Variants in SCFD1 observed in about 807,000 individuals in gnomAD.
SCFD1 encodes sec1 family domain-containing protein 1.
A neutral mutation model predicts 103.2 loss-of-function variants in SCFD1; 37 were observed. The observed-to-expected ratio is 0.36, with a 90% CI of 0.28 to 0.47. The LOEUF is 0.47. Among genes scored for constraint, SCFD1 ranks in the 20% least tolerant of loss-of-function variants. The pLI is 1.00. For missense variants in SCFD1, 639 were observed against 761.2 expected, an observed-to-expected ratio of 0.84 and a Z score of 1.89; for synonymous variants, 264 against 245.0, an observed-to-expected ratio of 1.08 and a Z score of -0.73.
At chr14:30,711,736 A>G (rs1387617071) in intron 19 of SCFD1, among the ~76,000 whole-genome samples, 2 of 151,300 alleles carry the variant, frequency 1.3e-5, no homozygotes, top group Non-Finnish European at 3.0e-5. Flanking sequence ...TTATTAAATT[A>G]TTATTTTAGG....
intron 7 of SCFD1, among the ~76,000 whole-genome samples, chr14:30,643,626 G>A (rs926688577): frequency 6.6e-6 from 1 of 152,070 alleles, no homozygotes; most frequent in Non-Finnish European, 1.5e-5. Flanking sequence ...CATTTTAGAT[G>A]TCTTTGGTAG....
chr14:30,651,364 C>T (rs541154803), intron 9 of SCFD1, among the ~76,000 whole-genome samples: 1 of 152,248 alleles, frequency 6.6e-6, no homozygotes, highest in East Asian at 1.9e-4. Flanking sequence ...TAGACTTCAT[C>T]TCAAGTCAAT....
chr14:30,645,542 C>G (rs1885731971), intron 7 of SCFD1, among the ~76,000 whole-genome samples: 1 of 152,152 alleles, frequency 6.6e-6, no homozygotes, highest in South Asian at 2.1e-4. Context: ...GCTCTCTCAC[C>G]TCCCTAATTA....
At chr14:30,691,590 T>C (rs897921056) in intron 14 of SCFD1, among the ~76,000 whole-genome samples, 1 of 152,234 alleles carries the variant, frequency 6.6e-6, no homozygotes, top group Non-Finnish European at 1.5e-5. Flanking sequence ...CTGTTACTTT[T>C]AACAGCTTTG....
In SCFD1 at chr14:30,730,792, C is replaced by T. The variant is rs538306431; in HGVS notation, c.1837-3998C>T. 1.4e-4 allele frequency among the ~76,000 whole-genome samples: 22 copies of T among 152,272 alleles called. No homozygotes were observed. The South Asian group carries it at 3.3e-3, about 23-fold the overall frequency. ...TAGATTGCAAAAATTTTCTCCCATTCTTTAGGTTGCCTGTTCACTCTGATG... is the reference window on the plus strand; with the variant it reads ...TAGATTGCAAAAATTTTCTCCCATTTTTTAGGTTGCCTGTTCACTCTGATG... On this transcript the variant is annotated intron_variant, in intron 23 of 24. Coordinates refer to ENST00000458591, the MANE Select transcript of SCFD1 (RefSeq NM_016106.4).
In SCFD1 at chr14:30,692,684, T is replaced by A. The variant is rs943033999; in HGVS notation, c.1243-2089T>A. ...ACTAGCGGAAACTGAATTTAGTGAATAGTGATAAAACAGAAAAGGTTAGCT... is the reference window on the plus strand; with the variant it reads ...ACTAGCGGAAACTGAATTTAGTGAAAAGTGATAAAACAGAAAAGGTTAGCT... On this transcript the variant is annotated intron_variant, in intron 14 of 24. Coordinates refer to ENST00000458591, the MANE Select transcript of SCFD1 (RefSeq NM_016106.4). Among the ~76,000 whole-genome samples, 6 of 152,348 alleles carry A rather than the reference T, an allele frequency of 3.9e-5. No individual in the cohort carries two copies. The East Asian group carries it at 1.2e-3, about 29-fold the overall frequency.
intron 8 of SCFD1, among the ~76,000 whole-genome samples, chr14:30,650,278 G>A (rs1041498282): frequency 8.0e-5 from 12 of 150,820 alleles, no homozygotes; most frequent in South Asian, 2.1e-4. Flanking sequence ...AAGAGTGTGC[G>A]TCATTACTGC....
chr14:30,707,792 A>G (rs1891575973), intron 18 of SCFD1, 198 bp from the exon 19 acceptor site: 1 of 641,548 alleles, frequency 1.6e-6, no homozygotes, highest in Non-Finnish European at 2.9e-6. Context: ...TTTAATTACT[A>G]TTTTATTGTT....
rs148353533 is a variant in SCFD1, at chr14:30,728,678, C to A, written c.1837-6112C>A. Reference sequence around the variant, plus strand: ...CAAAGCAGCTGCACCATTTTACATTCCCCCCAGCAGTGCATGAGGGTTCTC... The same window carrying A: ...CAAAGCAGCTGCACCATTTTACATTACCCCCAGCAGTGCATGAGGGTTCTC... On this transcript the variant is annotated intron_variant, in intron 23 of 24. Coordinates refer to ENST00000458591, the MANE Select transcript of SCFD1 (RefSeq NM_016106.4). Among the ~76,000 whole-genome samples, 547 of 152,212 alleles carry A rather than the reference C, an allele frequency of 3.6e-3. 3 individuals carry two copies. Among genetic ancestry groups the A allele is most frequent in the African/African-American group, 0.011 (443 of 41,534 alleles).
chr14:30,719,259 C>G (rs1892487792), intron 20 of SCFD1, 66 bp from the exon 21 acceptor site: 5 of 1,007,048 alleles, frequency 5.0e-6, no homozygotes, highest in Non-Finnish European at 6.1e-6. Flanking sequence ...ATAGGATACT[C>G]TAAGCCAAAC....
At chr14:30,728,386 G>A (rs1400569592) in intron 23 of SCFD1, among the ~76,000 whole-genome samples, 2 of 152,162 alleles carry the variant, frequency 1.3e-5, no homozygotes, top group African/African-American at 4.8e-5. Context: ...TTTATCAAAT[G>A]ATATATAAGT....
upstream of SCFD1, chr14:30,622,284 C>A: frequency 2.5e-6 from 4 of 1,589,274 alleles, no homozygotes; most frequent in Non-Finnish European, 2.6e-6. Context: ...GTAAGGGCAG[C>A]CACGTCATCC....
chr14:30,722,681 A>G (rs1440896219), intron 23 of SCFD1, 122 bp downstream of exon 23: 1 of 492,218 alleles, frequency 2.0e-6, no homozygotes. Flanking sequence ...TTTTAAAATC[A>G]TGCATATATG....
At chr14:30,673,524 AT>A (rs1180940443) in intron 12 of SCFD1, among the ~76,000 whole-genome samples, 177 bp downstream of exon 12, 3 of 152,220 alleles carry the variant, frequency 2.0e-5, no homozygotes, top group Non-Finnish European at 4.4e-5. Flanking sequence ...AAGAGAAAAA[AT>A]AATATATGAT....
intron 3 of SCFD1, among the ~76,000 whole-genome samples, chr14:30,632,025 G>A (rs1884196612): frequency 7.3e-6 from 1 of 136,290 alleles, no homozygotes; most frequent in African/African-American, 2.8e-5. Context: ...TCTGGCCTGG[G>A]CAGCAGAGCA....
intron 23 of SCFD1, among the ~76,000 whole-genome samples, chr14:30,729,242 A>T (rs1190300832): frequency 1.3e-5 from 2 of 151,874 alleles, no homozygotes; most frequent in Non-Finnish European, 2.9e-5. Flanking sequence ...GCAAAAGTTT[A>T]TTTCGGCGAA....
At chr14:30,640,894 A>G (rs1010554739) in intron 6 of SCFD1, among the ~76,000 whole-genome samples, 1 of 152,170 alleles carries the variant, frequency 6.6e-6, no homozygotes, top group East Asian at 1.9e-4. Flanking sequence ...GATTAATTAC[A>G]AATTTCAAAG....
At chr14:30,650,750 G>A in intron 9 of SCFD1, 100 bp downstream of exon 9, 1 of 706,254 alleles carries the variant, frequency 1.4e-6, no homozygotes, top group East Asian at 2.7e-5. Context: ...ATTGAAATTT[G>A]TTTCTTTTTA....
chr14:30,694,973 A>T, intron 15 of SCFD1, 104 bp downstream of exon 15: 1 of 1,495,126 alleles, frequency 6.7e-7, no homozygotes, highest in Non-Finnish European at 8.9e-7. Context: ...CTGACAGTCA[A>T]TGCTAATATC....
Sources: gnomAD v4.1 joint callset for allele counts (sites outside exome capture counted in the v4.1 genomes callset) on GRCh38, gnomAD v4.1.1 for gene constraint, MANE v1.5 for transcripts, NCBI Gene and HGNC (gene_info 2026-07-23, HGNC 2026-07-21) for gene names.